TNRC6B: variants seen among roughly 807,000 people sequenced by gnomAD.
TNRC6B encodes trinucleotide repeat-containing gene 6B protein.
In TNRC6B, 52 loss-of-function variants were observed where a neutral mutation model predicts 203.6. The observed-to-expected ratio is 0.26, with a 90% CI of 0.20 to 0.32. The LOEUF (loss-of-function observed/expected upper bound fraction) is 0.32. Ranked by LOEUF, TNRC6B falls within the 10% of genes least tolerant of loss-of-function variation. The pLI is 1.00. For missense variants in TNRC6B, 1,923 were observed against 2,286.2 expected (o/e 0.84, Z 3.24); for synonymous variants, 838 against 845.7 (o/e 0.99, Z 0.16).
intron 1 of TNRC6B, among the ~76,000 whole-genome samples, chr22:40,081,557 A>G (rs2068064252): frequency 6.6e-6 from 1 of 152,216 alleles, no homozygotes; most frequent in Non-Finnish European, 1.5e-5. Flanking sequence ...CTTTGGAATT[A>G]GATAACCTAA....
intron 19 of TNRC6B, 60 bp from the exon 20 acceptor site, chr22:40,315,223 A>AT (rs3830738): frequency 0.23 from 312,863 of 1,380,508 alleles, 39,379 homozygotes; most frequent in Admixed American, 0.46. Context: ...ACTCATGTGT[A>AT]TTTGTCAACA....
chr22:40,125,097 G>A (rs977649294), intron 2 of TNRC6B, among the ~76,000 whole-genome samples: 2 of 151,468 alleles, frequency 1.3e-5, no homozygotes, highest in African/African-American at 2.4e-5. Context: ...TTTCCTTTTG[G>A]TACATTTTAA....
intron 12 of TNRC6B, among the ~76,000 whole-genome samples, chr22:40,299,168 A>AAAAAAAAAAAAACAAAAC (rs2070988624): frequency 6.7e-6 from 1 of 149,340 alleles, no homozygotes; most frequent in Non-Finnish European, 1.5e-5. Context: ...CAAAAAAAAA[A>AAAAAAAAAAAAACAAAAC]AAAAAACAAA....
chr22:40,118,165 G>A (rs2068408612), intron 2 of TNRC6B, among the ~76,000 whole-genome samples: 1 of 152,158 alleles, frequency 6.6e-6, no homozygotes, highest in Non-Finnish European at 1.5e-5. Context: ...TATGTGCCTA[G>A]TGTATGCACC....
At chr22:40,109,140 T>A (rs1327745576) in intron 1 of TNRC6B, among the ~76,000 whole-genome samples, 1 of 152,222 alleles carries the variant, frequency 6.6e-6, no homozygotes, top group South Asian at 2.1e-4. Flanking sequence ...TGCATAGTAT[T>A]CCATGATGTA....
intron 1 of TNRC6B, among the ~76,000 whole-genome samples, chr22:40,197,844 T>G (rs2069361519): frequency 6.6e-6 from 1 of 151,384 alleles, no homozygotes; most frequent in Non-Finnish European, 1.5e-5. Context: ...ACTCCTGGGC[T>G]CAAGTGATTC....
intron 1 of TNRC6B, among the ~76,000 whole-genome samples, chr22:40,180,264 C>T (rs1404481118): frequency 6.6e-6 from 1 of 152,160 alleles, no homozygotes; most frequent in Non-Finnish European, 1.5e-5. Flanking sequence ...CATTTTACAC[C>T]TATTTCCTAA....
chr22:40,240,126 C>T (rs777014517), intron 1 of TNRC6B, among the ~76,000 whole-genome samples: 4 of 152,090 alleles, frequency 2.6e-5, no homozygotes, highest in Admixed American at 6.6e-5. Context: ...CAACTGTGCC[C>T]GGCCGAATAT....
chr22:40,300,584 T>G lies in TNRC6B; in HGVS notation c.3838T>G (p.Leu1280Val). The G allele has an allele frequency of 1.2e-6, 2 of 1,603,926 alleles. No individual in the cohort carries two copies. Among genetic ancestry groups the G allele is most frequent in the Non-Finnish European group, 1.7e-6 (2 of 1,177,260 alleles). The change falls in exon 13 of 23, where the codon TTG becomes GTG. Residue 1280 changes from leucine (L) to valine (V), a missense_variant and splice_region_variant. Transcript: ENST00000454349. The part of the protein sequence containing the change: ...SQLPQIPQFQ[L>V]ACQLLLQQQQ... ...GCTTCCACAAATTCCCCAGTTTCAG[T>G]TGGTAAGTAGAAGATTTTCTTCCTG... is the stretch of plus-strand genomic sequence containing the variant.
chr22:40,153,016 C>A (rs574653422), intron 3 of TNRC6B, among the ~76,000 whole-genome samples: 1 of 151,840 alleles, frequency 6.6e-6, no homozygotes, highest in Non-Finnish European at 1.5e-5. Flanking sequence ...ACAGGAGAAC[C>A]GCTTGAACCC....
At chr22:40,232,879 C>A (rs751102698) in intron 1 of TNRC6B, among the ~76,000 whole-genome samples, 38 of 152,034 alleles carry the variant, frequency 2.5e-4, no homozygotes, top group Non-Finnish European at 4.7e-4. Context: ...TGGCTGGGCG[C>A]GATGGCTCAC....
At chr22:40,228,193 C>T (rs375652243) in intron 1 of TNRC6B, among the ~76,000 whole-genome samples, 4 of 151,840 alleles carry the variant, frequency 2.6e-5, no homozygotes, top group South Asian at 2.1e-4. Context: ...TTTGGGAGGC[C>T]GAGGCAGGCG....
chr22:40,052,931 G>A (rs563348800), intron 1 of TNRC6B, among the ~76,000 whole-genome samples: 2 of 152,108 alleles, frequency 1.3e-5, no homozygotes, highest in East Asian at 3.9e-4. Context: ...GCTATGCTTT[G>A]TCTTTCTAGT....
intron 1 of TNRC6B, among the ~76,000 whole-genome samples, chr22:40,227,729 GTTA>G (rs1473343169): frequency 6.6e-6 from 1 of 152,070 alleles, no homozygotes; most frequent in African/African-American, 2.4e-5. Flanking sequence ...TCAAAGGTCA[GTTA>G]TTATTTATTC....
intron 12 of TNRC6B, among the ~76,000 whole-genome samples, chr22:40,293,540 T>C: frequency 6.6e-6 from 1 of 151,682 alleles, no homozygotes; most frequent in South Asian, 2.1e-4. Flanking sequence ...TTCTCGATGG[T>C]ACTGCTGGGT....
intron 1 of TNRC6B, among the ~76,000 whole-genome samples, chr22:40,229,299 T>G (rs1278351156): frequency 3.3e-5 from 5 of 152,222 alleles, no homozygotes; most frequent in Admixed American, 2.0e-4. Context: ...TGTGCAGAAG[T>G]TCTGATTTAC....
At chr22:40,186,199 C>T (rs1034354381) in intron 1 of TNRC6B, among the ~76,000 whole-genome samples, 3 of 152,200 alleles carry the variant, frequency 2.0e-5, no homozygotes, top group Middle Eastern at 3.4e-3. Context: ...ATAAAAAGAA[C>T]GGTGGCTCTG....
Position 40,323,107 on chromosome 22 carries a change from G to A in TNRC6B, c.5368G>A (p.Ala1790Thr), listed in dbSNP as rs771085296. Residue 1790 changes from alanine to threonine, a missense_variant, in exon 23 of 23, where the codon GCT becomes ACT. By Grantham distance (58) the Ala-to-Thr change is moderately conservative. Transcript: ENST00000454349. ...CAGCAGCGGGGCCGATCTTGCTGGC[G>A]CTTCATTGTGGGGGCCCCCAAACTA... Reference protein sequence around the residue: ...GGSSGADLAGASLWGPPNYSS... With the variant: ...GGSSGADLAGTSLWGPPNYSS... The A allele has an allele frequency of 1.7e-5, 28 of 1,611,458 alleles. No homozygotes were observed. Among genetic ancestry groups the A allele is most frequent in the East Asian group, 8.9e-5 (4 of 44,848 alleles).
chr22:40,238,983 A>C (rs1387712973), intron 1 of TNRC6B, among the ~76,000 whole-genome samples: 3 of 152,066 alleles, frequency 2.0e-5, no homozygotes, highest in Admixed American at 6.6e-5. Context: ...TGGGCGGATC[A>C]CTTGAGGTCA....
Sources: gnomAD v4.1 joint callset for allele counts (sites outside exome capture counted in the v4.1 genomes callset) on GRCh38, gnomAD v4.1.1 for gene constraint, MANE v1.5 for transcripts, NCBI Gene and HGNC (gene_info 2026-07-23, HGNC 2026-07-21) for gene names.